Variants in LRMDA observed in about 807,000 individuals in gnomAD.
The protein encoded by LRMDA is leucine rich melanocyte differentiation associated.
A neutral mutation model predicts 29.8 loss-of-function variants in LRMDA; 18 were observed. That is an observed-to-expected ratio of 0.60 (90% CI 0.42 to 0.90). LRMDA has a LOEUF of 0.90. LRMDA is among the 40% of genes least tolerant of loss of function. The pLI is 0.00. For synonymous variants in LRMDA, 125 were observed against 109.4 expected, an observed-to-expected ratio of 1.14 and a Z score of -0.89; for missense variants, 273 against 273.9, an observed-to-expected ratio of 1.00 and a Z score of 0.02.
intron 5 of LRMDA, among the ~76,000 whole-genome samples, chr10:76,257,902 T>G (rs2132305042): frequency 6.6e-6 from 1 of 152,332 alleles, no homozygotes; most frequent in Non-Finnish European, 1.5e-5. Context: ...GGAATAGCTT[T>G]CCATGTGATC....
At chr10:76,012,841 T>G (rs1847808760) in intron 2 of LRMDA, among the ~76,000 whole-genome samples, 1 of 152,172 alleles carries the variant, frequency 6.6e-6, no homozygotes. Context: ...GCCCATGCAG[T>G]CTCAACAGGT....
chr10:76,015,726 A>AT (rs1847869680), intron 2 of LRMDA, among the ~76,000 whole-genome samples: 1 of 152,320 alleles, frequency 6.6e-6, no homozygotes, highest in African/African-American at 2.4e-5. Flanking sequence ...CAATCTGAAC[A>AT]TGCCACTATG....
intron 6 of LRMDA, among the ~76,000 whole-genome samples, chr10:76,491,032 A>G (rs1029673270): frequency 5.9e-5 from 9 of 152,012 alleles, no homozygotes; most frequent in African/African-American, 2.2e-4. Flanking sequence ...TAATTGCATC[A>G]ACAAACAAAA....
chr10:76,412,307 A>C (rs1049566729), intron 6 of LRMDA, among the ~76,000 whole-genome samples: 1 of 152,182 alleles, frequency 6.6e-6, no homozygotes, highest in Non-Finnish European at 1.5e-5. Context: ...GCTTCTACAT[A>C]GGGAGGGAGG....
rs1907332 is a variant in LRMDA, at chr10:76,482,977, G to C, written c.602-74232G>C. Among the ~76,000 whole-genome samples, 31 of 151,870 alleles carry C rather than the reference G, an allele frequency of 2.0e-4. No homozygotes were observed. In the East Asian group the frequency reaches 5.7e-3, roughly 28 times the overall value. On this transcript the variant is annotated intron_variant, in intron 6 of 6. Transcript: ENST00000611255. Reference sequence around the variant, plus strand: ...TATAGTTCTCATTTGCATTTTCCCTGTTGGCTGATGAAGTTGAACACTCTT... The same window carrying C: ...TATAGTTCTCATTTGCATTTTCCCTCTTGGCTGATGAAGTTGAACACTCTT...
intron 2 of LRMDA, among the ~76,000 whole-genome samples, chr10:75,652,405 C>T (rs1403227167): frequency 6.6e-6 from 1 of 152,190 alleles, no homozygotes; most frequent in Non-Finnish European, 1.5e-5. Flanking sequence ...CTCTGCCAGG[C>T]CAAGACAGAA....
At chr10:75,661,080 A>G (rs945058881) in intron 2 of LRMDA, among the ~76,000 whole-genome samples, 1 of 152,130 alleles carries the variant, frequency 6.6e-6, no homozygotes, top group Admixed American at 6.5e-5. Context: ...TGCCAGAGTG[A>G]CTGCTTTGCC....
chr10:76,019,728 T>A (rs144884979), intron 2 of LRMDA, among the ~76,000 whole-genome samples: 176 of 152,298 alleles, frequency 1.2e-3, no homozygotes, highest in African/African-American at 4.1e-3. Context: ...GTGTCTATAA[T>A]TGGTGCAGCT....
intron 6 of LRMDA, among the ~76,000 whole-genome samples, chr10:76,325,264 C>T (rs1028255725): frequency 6.6e-6 from 1 of 152,160 alleles, no homozygotes; most frequent in Non-Finnish European, 1.5e-5. Context: ...ATCTGACCCT[C>T]CAAGTCACCG....
chr10:76,279,453 T>G (rs557803310), intron 5 of LRMDA, among the ~76,000 whole-genome samples: 26 of 152,002 alleles, frequency 1.7e-4, no homozygotes, highest in Non-Finnish European at 3.2e-4. Flanking sequence ...AAATAAAGTT[T>G]ACACAGCATG....
intron 6 of LRMDA, among the ~76,000 whole-genome samples, chr10:76,523,031 G>C (rs1383200566): frequency 6.6e-6 from 1 of 152,082 alleles, no homozygotes; most frequent in African/African-American, 2.4e-5. Flanking sequence ...GCCTTGTACA[G>C]CTGCACACTG....
chr10:75,782,488 G>T (rs1024754526), intron 2 of LRMDA, among the ~76,000 whole-genome samples: 4 of 151,832 alleles, frequency 2.6e-5, no homozygotes, highest in Non-Finnish European at 5.9e-5. Flanking sequence ...TTTTTTATGG[G>T]TGATTTTTCA....
chr10:75,570,192 T>A (rs951755389), intron 2 of LRMDA, among the ~76,000 whole-genome samples: 3 of 152,232 alleles, frequency 2.0e-5, no homozygotes, highest in African/African-American at 7.2e-5. Flanking sequence ...TTTCCTCATC[T>A]ATAAAATGGA....
chr10:75,923,600 G>C (rs1846063912), intron 2 of LRMDA, among the ~76,000 whole-genome samples: 1 of 152,154 alleles, frequency 6.6e-6, no homozygotes, highest in African/African-American at 2.4e-5. Flanking sequence ...TGCAGTGAAT[G>C]CTTGCATTTC....
chr10:75,921,849 G>T (rs553860264), intron 2 of LRMDA, among the ~76,000 whole-genome samples: 1 of 152,218 alleles, frequency 6.6e-6, no homozygotes, highest in Admixed American at 6.5e-5. Context: ...TCCTCCTTCT[G>T]ATCCTTCCTG....
intron 2 of LRMDA, among the ~76,000 whole-genome samples, chr10:75,509,074 T>G (rs527579250): frequency 6.6e-6 from 1 of 152,206 alleles, no homozygotes; most frequent in East Asian, 1.9e-4. Context: ...TTAGCAGACA[T>G]TTTTAAGCAT....
chr10:76,330,449 C>T (rs1840891028), intron 6 of LRMDA, among the ~76,000 whole-genome samples: 1 of 152,172 alleles, frequency 6.6e-6, no homozygotes, highest in Non-Finnish European at 1.5e-5. Flanking sequence ...ATTCCTTCCC[C>T]TGGTTATAGG....
At chr10:76,544,710 GCACACACACACA>G (rs71028204) in intron 6 of LRMDA, among the ~76,000 whole-genome samples, 50,394 of 145,318 alleles carry the variant, frequency 0.35, 9,193 homozygotes, top group Middle Eastern at 0.52. Flanking sequence ...ATATATACAT[GCACACACACACA>G]CACACACACA....
At chr10:75,682,434 G>GGTGTGT (rs143384483) in intron 2 of LRMDA, among the ~76,000 whole-genome samples, 304 of 150,142 alleles carry the variant, frequency 2.0e-3, no homozygotes, top group Middle Eastern at 0.017. Flanking sequence ...TGTGTGTGGG[G>GGTGTGT]GTGTGTGTGT....
Sources: gnomAD v4.1 joint callset for allele counts (sites outside exome capture counted in the v4.1 genomes callset) on GRCh38, gnomAD v4.1.1 for gene constraint, MANE v1.5 for transcripts, NCBI Gene and HGNC (gene_info 2026-07-23, HGNC 2026-07-21) for gene names.